The following RAD9B variants were observed in gnomAD, a reference collection of about 807,000 sequenced individuals.
RAD9B encodes cell cycle checkpoint control protein RAD9B.
RAD9B carries 41 observed loss-of-function variants against 48.3 expected under a neutral mutation model. The ratio of observed to expected loss-of-function variants is 0.85; its 90% CI spans 0.66 to 1.10. The LOEUF is 1.10. Ranked by LOEUF, RAD9B falls within the 50% of genes least tolerant of loss-of-function variation. The probability of loss-of-function intolerance (pLI) is 0.00; values close to 1 mark genes in which losing one functional copy is unlikely to be tolerated. For missense variants in RAD9B, 444 were observed against 485.1 expected, an observed-to-expected ratio of 0.92 and a Z score of 0.80; for synonymous variants, 160 against 157.9, an observed-to-expected ratio of 1.01 and a Z score of -0.10.
chr12:110,503,702 T>G, intron 1 of RAD9B, 104 bp from the exon 2 acceptor site: 1 of 804,414 alleles, frequency 1.2e-6, no homozygotes, highest in Non-Finnish European at 2.1e-6. Context: ...GATACTGTTA[T>G]TTTTGAATTT....
intron 6 of RAD9B, among the ~76,000 whole-genome samples, chr12:110,516,571 G>A (rs963499086): frequency 6.6e-6 from 1 of 152,122 alleles, no homozygotes; most frequent in Non-Finnish European, 1.5e-5. Context: ...CAGCACTTTG[G>A]GAGGCTGAGG....
rs546599434 is a variant in RAD9B at position 110,530,328 on chromosome 12, A to C, written c.1126-197A>C. Among the ~76,000 whole-genome samples the C allele has an allele frequency of 2.0e-5, 3 of 152,248 alleles. No individual in the cohort carries two copies. In the South Asian group the frequency reaches 6.2e-4, roughly 32 times the overall value. On this transcript the variant is annotated intron_variant, in intron 10 of 10. Coordinates refer to ENST00000409300, the MANE Select transcript of RAD9B (RefSeq NM_001286535.2). ...TCAAAGTACTGAGATTACAGGCGTG[A>C]GCCACCATGCGCGGCCAAGGTTTGG...
intron 10 of RAD9B, among the ~76,000 whole-genome samples, chr12:110,525,460 G>A (rs2063907736): frequency 6.6e-6 from 1 of 152,124 alleles, no homozygotes; most frequent in African/African-American, 2.4e-5. Flanking sequence ...TTAGTAGAAT[G>A]TCCTAACTTT....
chr12:110,518,941 AG>A lies in RAD9B; in HGVS notation c.767+5del. ...ATTTATTTTGATTTCCCTGGGAAGTAGGTCCTTGAGAATTTTTCTGAGCTTG... is the reference window on the plus strand; with the variant it reads ...ATTTATTTTGATTTCCCTGGGAAGTAGTCCTTGAGAATTTTTCTGAGCTTG... On this transcript the variant is annotated splice_donor_region_variant and intron_variant, in intron 8 of 10. Transcript: ENST00000409300. 1 of 1,543,048 alleles carries A rather than the reference AG, an allele frequency of 6.5e-7. No homozygotes were observed. Among genetic ancestry groups the A allele is most frequent in the Non-Finnish European group, 8.7e-7 (1 of 1,143,804 alleles).
chr12:110,506,878 C>T (rs1384371643), intron 4 of RAD9B, among the ~76,000 whole-genome samples, 185 bp downstream of exon 4: 5 of 148,826 alleles, frequency 3.4e-5, no homozygotes, highest in East Asian at 2.0e-4. Context: ...CTTGCTCTGT[C>T]GCCAAGGCTG....
At chr12:110,530,432 T>C in intron 10 of RAD9B, 93 bp from the exon 11 acceptor site, 3 of 1,110,368 alleles carry the variant, frequency 2.7e-6, no homozygotes, top group Admixed American at 1.9e-5. Context: ...GATATAATAC[T>C]GGTCAGGTTT....
intron 6 of RAD9B, among the ~76,000 whole-genome samples, chr12:110,517,011 G>T (rs570414367): frequency 2.0e-5 from 3 of 152,014 alleles, no homozygotes; most frequent in Admixed American, 2.0e-4. Context: ...ACAGGAGATT[G>T]AGTGAAGATA....
rs1320567575 is a variant in RAD9B, at chr12:110,532,811, C to T, written c.*2158C>T. ...GTATTCAGTACAGTAACATGTTATA[C>T]AGGTTTGTCGCCTAGGAGCAACAGG... On this transcript the variant is annotated 3_prime_UTR_variant, in exon 11 of 11. Coordinates refer to ENST00000409300, the MANE Select transcript of RAD9B (RefSeq NM_001286535.2). Among the ~76,000 whole-genome samples the T allele has an allele frequency of 6.6e-6, 1 of 152,162 alleles. No individual in the cohort carries two copies. The highest frequency in any genetic ancestry group is 2.4e-5 in the African/African-American group (1 of 41,426).
At chr12:110,517,589 A>T (rs748083925) in intron 6 of RAD9B, among the ~76,000 whole-genome samples, 2 of 151,882 alleles carry the variant, frequency 1.3e-5, no homozygotes, top group Non-Finnish European at 2.9e-5. Flanking sequence ...ACACCACTGG[A>T]CTCCAGCTTG....
In RAD9B at chr12:110,521,182, G is replaced by T. The variant is rs149169429; in HGVS notation, c.891-995G>T. Among the ~76,000 whole-genome samples, 17 of 151,114 alleles carry T rather than the reference G, an allele frequency of 1.1e-4. No individual in the cohort carries two copies. In the East Asian group the frequency reaches 3.1e-3, roughly 28 times the overall value. On this transcript the variant is annotated intron_variant, in intron 9 of 10. Coordinates refer to ENST00000409300, the MANE Select transcript of RAD9B (RefSeq NM_001286535.2). ...TTTTTAAAAAAATTTTTTGAGACAG[G>T]GTCTCACTCTGTCACCCAGGCTGGA...
intron 5 of RAD9B, among the ~76,000 whole-genome samples, chr12:110,513,691 TATATTA>T (rs1472604923): frequency 9.2e-5 from 12 of 130,994 alleles, no homozygotes; most frequent in Non-Finnish European, 1.6e-4. Flanking sequence ...ATATTGTTTT[TATATTA>T]TTATTATTAT....
At chr12:110,509,265 G>A (rs1444981981) in intron 4 of RAD9B, among the ~76,000 whole-genome samples, 1 of 151,734 alleles carries the variant, frequency 6.6e-6, no homozygotes, top group Non-Finnish European at 1.5e-5. Context: ...ACCATGCCCG[G>A]CCCTAATTTT....
Position 110,506,597 on chromosome 12 carries a change from A to G in RAD9B, c.292A>G (p.Arg98Gly), listed in dbSNP as rs1565878017. The change falls in exon 4 of 11, where the codon AGA becomes GGA. Residue 98 changes from arginine (R) to glycine (G), a missense_variant. Transcript: ENST00000409300. ...LGMKSILPIF[R>G]CLNSLERNIE... Reference sequence around the variant, plus strand: ...GTTACAGTCAATTTTGCCCATCTTTAGATGTCTGAATTCCCTTGAAAGAAA... The same window carrying G: ...GTTACAGTCAATTTTGCCCATCTTTGGATGTCTGAATTCCCTTGAAAGAAA... 7.0e-6 allele frequency: 11 copies of G among 1,581,678 alleles called. No homozygotes were observed. The highest frequency in any genetic ancestry group is 1.1e-5 in the South Asian group (1 of 90,182).
chr12:110,514,615 T>C (rs1186403166), intron 5 of RAD9B, among the ~76,000 whole-genome samples: 1 of 152,230 alleles, frequency 6.6e-6, no homozygotes, highest in Non-Finnish European at 1.5e-5. Context: ...GGAAAGAATA[T>C]AGGCAGCAGG....
chr12:110,518,196 A>G (rs1424374533), intron 6 of RAD9B, among the ~76,000 whole-genome samples: 1 of 83,802 alleles, frequency 1.2e-5, no homozygotes, highest in Non-Finnish European at 3.2e-5. Context: ...GTCTCAAAAG[A>G]AAAAAAAAAA....
chr12:110,527,854 T>C (rs1250709335), intron 10 of RAD9B, among the ~76,000 whole-genome samples: 1 of 152,080 alleles, frequency 6.6e-6, no homozygotes, highest in Non-Finnish European at 1.5e-5. Context: ...GTGTTTGAGC[T>C]GAGCTGGAAA....
Position 110,533,221 on chromosome 12 carries a change from T to C in RAD9B, c.*2568T>C, listed in dbSNP as rs1187868852. 1 of 152,190 alleles carries C rather than the reference T, an allele frequency of 6.6e-6. No individual in the cohort carries two copies. Among genetic ancestry groups the C allele is most frequent in the African/African-American group, 2.4e-5 (1 of 41,444 alleles). The allele number at this position is 152,190 out of a possible 1,614,324, so 9.4% of individuals were successfully genotyped here. Reference sequence around the variant, plus strand: ...GGGCTGGTGTCTCATTTAGTTACTATTCAAACCAAAAGAAGCACACAGATT... The same window carrying C: ...GGGCTGGTGTCTCATTTAGTTACTACTCAAACCAAAAGAAGCACACAGATT... On this transcript the variant is annotated 3_prime_UTR_variant, in exon 11 of 11. Transcript: ENST00000409300.
intron 9 of RAD9B, among the ~76,000 whole-genome samples, chr12:110,521,704 T>C (rs1214593055): frequency 1.3e-5 from 2 of 151,852 alleles, no homozygotes; most frequent in Admixed American, 1.3e-4. Flanking sequence ...TACAGGTGCC[T>C]GCCACCACGC....
At chr12:110,511,878 C>T (rs1307951723) in intron 4 of RAD9B, among the ~76,000 whole-genome samples, 4 of 151,822 alleles carry the variant, frequency 2.6e-5, no homozygotes, top group South Asian at 4.1e-4. Flanking sequence ...GACAGAGTCT[C>T]GCTCTGTTGT....
Sources: gnomAD v4.1 joint callset for allele counts (sites outside exome capture counted in the v4.1 genomes callset) on GRCh38, gnomAD v4.1.1 for gene constraint, MANE v1.5 for transcripts, NCBI Gene and HGNC (gene_info 2026-07-23, HGNC 2026-07-21) for gene names.